Variants in PLCE1 observed in about 807,000 individuals in gnomAD.
PLCE1 encodes the protein phospholipase C epsilon 1.
Under a neutral mutation model 242.8 loss-of-function variants are expected in PLCE1, and 119 were observed. That is an observed-to-expected ratio of 0.49 (90% CI 0.42 to 0.57). PLCE1 has a LOEUF of 0.57. PLCE1 is among the 20% of genes least tolerant of loss of function. PLCE1 has a pLI of 0.00. For missense variants in PLCE1, 2,441 were observed against 2,788.8 expected (o/e 0.88, Z 2.81); for synonymous variants, 945 against 1,017.4 (o/e 0.93, Z 1.35).
intron 4 of PLCE1, among the ~76,000 whole-genome samples, chr10:94,185,043 G>A (rs536489299): frequency 1.9e-4 from 29 of 152,278 alleles, no homozygotes; most frequent in African/African-American, 6.3e-4. Flanking sequence ...CATTTTGTTC[G>A]AGGAATTTAC....
intron 1 of PLCE1, among the ~76,000 whole-genome samples, chr10:94,021,489 C>A (rs1481116302): frequency 6.6e-6 from 1 of 151,668 alleles, no homozygotes; most frequent in East Asian, 1.9e-4. Context: ...TTGAATCCAG[C>A]ACCATTTATT....
At chr10:94,057,138 T>C (rs1461320986) in intron 2 of PLCE1, among the ~76,000 whole-genome samples, 1 of 152,140 alleles carries the variant, frequency 6.6e-6, no homozygotes, top group Admixed American at 6.6e-5. Context: ...TGTGTGGATA[T>C]ATGTTTTCAA....
At chr10:94,105,919 T>C (rs1271978009) in intron 2 of PLCE1, 1 of 152,244 alleles carries the variant, frequency 6.6e-6, no homozygotes, top group East Asian at 1.9e-4. Flanking sequence ...TTCACCTTTT[T>C]ATGAGTGTTA....
chr10:94,316,955 A>T (rs1386041753), intron 29 of PLCE1, among the ~76,000 whole-genome samples, 199 bp downstream of exon 29: 1 of 152,242 alleles, frequency 6.6e-6, no homozygotes, highest in Non-Finnish European at 1.5e-5. Context: ...ATTCAATCTA[A>T]AAAACATCCC....
chr10:94,180,713 A>G (rs1484437293), intron 4 of PLCE1, among the ~76,000 whole-genome samples: 2 of 152,122 alleles, frequency 1.3e-5, no homozygotes, highest in African/African-American at 4.8e-5. Flanking sequence ...AAGAGTTGGG[A>G]CCTCTAAGAG....
chr10:94,283,474 C>T (rs1454271921), intron 20 of PLCE1: 1 of 331,496 alleles, frequency 3.0e-6, no homozygotes, highest in Non-Finnish European at 5.8e-6. Flanking sequence ...AATATTTGCA[C>T]AGTTCCAATC....
At chr10:94,189,280 T>C (rs767888857) in intron 4 of PLCE1, among the ~76,000 whole-genome samples, 46 of 148,324 alleles carry the variant, frequency 3.1e-4, no homozygotes, top group Admixed American at 1.3e-3. Context: ...ATAGTCCATA[T>C]TTAATATATA....
intron 2 of PLCE1, among the ~76,000 whole-genome samples, chr10:94,086,537 G>A (rs2044832215): frequency 6.6e-6 from 1 of 152,194 alleles, no homozygotes; most frequent in Non-Finnish European, 1.5e-5. Flanking sequence ...CTCTCTTGCA[G>A]CTGAATTACC....
intron 1 of PLCE1, among the ~76,000 whole-genome samples, chr10:94,016,039 A>G (rs556389613): frequency 3.3e-5 from 5 of 152,296 alleles, no homozygotes; most frequent in South Asian, 2.1e-4. Context: ...GGAAGCCGCT[A>G]TATGTCCAAG....
intron 23 of PLCE1, among the ~76,000 whole-genome samples, chr10:94,295,093 T>G (rs370734869): frequency 2.2e-4 from 34 of 151,730 alleles, no homozygotes; most frequent in African/African-American, 7.5e-4. Context: ...TTTTTTTGTA[T>G]TTTTAGTAGA....
At chr10:94,175,127 C>T (rs1458148517) in intron 4 of PLCE1, among the ~76,000 whole-genome samples, 2 of 152,156 alleles carry the variant, frequency 1.3e-5, no homozygotes, top group Non-Finnish European at 2.9e-5. Flanking sequence ...ATATCAGAAT[C>T]CAGATCTTTC....
At chr10:94,210,281 T>C (rs1317818980) in intron 4 of PLCE1, among the ~76,000 whole-genome samples, 1 of 152,036 alleles carries the variant, frequency 6.6e-6, no homozygotes, top group Non-Finnish European at 1.5e-5. Flanking sequence ...ATGTACAACA[T>C]GTCTTTACTC....
chr10:94,166,667 G>A (rs1180832143), intron 3 of PLCE1, among the ~76,000 whole-genome samples: 2 of 151,834 alleles, frequency 1.3e-5, no homozygotes, highest in African/African-American at 4.8e-5. Flanking sequence ...GTAACAGAGG[G>A]CAGATTTTTG....
chr10:94,269,504 T>C (rs1470197873), intron 17 of PLCE1, among the ~76,000 whole-genome samples: 3 of 152,154 alleles, frequency 2.0e-5, no homozygotes, highest in Admixed American at 6.5e-5. Context: ...GTTTGCTGTA[T>C]CATGTGGAAT....
intron 4 of PLCE1, among the ~76,000 whole-genome samples, chr10:94,226,857 T>TTTTTTA (rs2049962018): frequency 1.4e-5 from 2 of 142,328 alleles, no homozygotes; most frequent in Non-Finnish European, 3.0e-5. Flanking sequence ...TTTTTTTTTT[T>TTTTTTA]GAGACAGAGC....
chr10:94,032,760 A>T (rs915989788), intron 2 of PLCE1, among the ~76,000 whole-genome samples: 5 of 152,170 alleles, frequency 3.3e-5, no homozygotes, highest in African/African-American at 1.2e-4. Flanking sequence ...GAATCAGATG[A>T]AATAGAAATC....
At position 94,234,034 on chromosome 10, in the gene PLCE1, A is replaced by T; in HGVS notation, c.1956-20A>T. On this transcript the variant is annotated intron_variant, in intron 5 of 32. Transcript: ENST00000371380. ...TATTATTTCTCCTTCAGTCTGAAAA[A>T]TGTCATTTACTTGCAATAGGTCAAG... is the stretch of plus-strand genomic sequence containing the variant. 6.2e-7 allele frequency: 1 copy of T among 1,605,986 alleles called. No individual in the cohort carries two copies. Among genetic ancestry groups the T allele is most frequent in the Non-Finnish European group, 8.5e-7 (1 of 1,172,982 alleles).
intron 1 of PLCE1, among the ~76,000 whole-genome samples, chr10:94,012,831 C>T (rs1294685701): frequency 6.6e-6 from 1 of 152,172 alleles, no homozygotes; most frequent in Non-Finnish European, 1.5e-5. Flanking sequence ...CTTACCTTGG[C>T]CACTCACTCT....
chr10:94,037,750 T>C (rs1000925770), intron 2 of PLCE1, among the ~76,000 whole-genome samples: 12 of 152,160 alleles, frequency 7.9e-5, no homozygotes, highest in African/African-American at 2.9e-4. Context: ...ATTAGCTGCA[T>C]TGGTGCACTA....
Sources: gnomAD v4.1 joint callset for allele counts (sites outside exome capture counted in the v4.1 genomes callset) on GRCh38, gnomAD v4.1.1 for gene constraint, MANE v1.5 for transcripts, NCBI Gene and HGNC (gene_info 2026-07-23, HGNC 2026-07-21) for gene names.